The following ROBO1 variants were observed in gnomAD, a reference collection of about 807,000 sequenced individuals.
ROBO1 encodes roundabout homolog 1.
In ROBO1, 149 loss-of-function variants were observed where a neutral mutation model predicts 195.9. That is an observed-to-expected ratio of 0.76 (90% CI 0.67 to 0.87). The LOEUF (loss-of-function observed/expected upper bound fraction) is 0.87. Among genes scored for constraint, ROBO1 ranks in the 40% least tolerant of loss-of-function variants. The pLI is 0.00. For missense variants in ROBO1, 1,933 were observed against 2,068.3 expected, an observed-to-expected ratio of 0.93 and a Z score of 1.27; for synonymous variants, 816 against 733.2, an observed-to-expected ratio of 1.11 and a Z score of -1.82.
At chr3:78,775,687 T>C (rs968498529) in intron 4 of ROBO1, among the ~76,000 whole-genome samples, 1 of 152,244 alleles carries the variant, frequency 6.6e-6, no homozygotes, top group Admixed American at 6.5e-5. Flanking sequence ...CAAGCTTGCC[T>C]TATTTTCTTC....
rs111797286 is a variant in ROBO1 at position 79,098,774 on chromosome 3, C to A, written c.172+26682G>T. Among the ~76,000 whole-genome samples, 10 of 151,796 alleles carry A rather than the reference C, an allele frequency of 6.6e-5. 1 individual carries two copies. Among genetic ancestry groups the A allele is most frequent in the African/African-American group, 2.4e-4 (10 of 41,476 alleles). ...CCATAGAAGAGGCTTTTTTTGGCTT[C>A]TTTTAGAATTAACTAATTAATTTTT... On this transcript the variant is annotated intron_variant, in intron 3 of 30. Transcript: ENST00000464233.
intron 10 of ROBO1, among the ~76,000 whole-genome samples, chr3:78,677,470 T>G (rs1295137798): frequency 6.6e-6 from 1 of 151,832 alleles, no homozygotes; most frequent in Non-Finnish European, 1.5e-5. Context: ...AATAAAAGGA[T>G]GGAGGAAGAT....
intron 8 of ROBO1, chr3:78,693,313 G>T (rs1245320071): frequency 6.5e-7 from 1 of 1,550,064 alleles, no homozygotes. Context: ...CAGTGACACG[G>T]TGATGAGAAG....
chr3:79,681,425 A>G (rs1243030493), intron 1 of ROBO1, among the ~76,000 whole-genome samples: 2 of 152,028 alleles, frequency 1.3e-5, no homozygotes, highest in African/African-American at 4.8e-5. Flanking sequence ...GAGAATATTA[A>G]GGATAATGGG....
intron 4 of ROBO1, among the ~76,000 whole-genome samples, chr3:78,889,521 G>A (rs2036760096): frequency 6.6e-6 from 1 of 152,150 alleles, no homozygotes; most frequent in African/African-American, 2.4e-5. Flanking sequence ...AGTGATTGAT[G>A]CACACATGAT....
At chr3:79,002,683 C>T (rs925179805) in intron 3 of ROBO1, among the ~76,000 whole-genome samples, 6 of 152,108 alleles carry the variant, frequency 3.9e-5, no homozygotes, top group African/African-American at 1.2e-4. Flanking sequence ...AATTGCTAAC[C>T]TGAAAATCAT....
chr3:78,629,200 G>A (rs1341309727), intron 25 of ROBO1, among the ~76,000 whole-genome samples: 2 of 152,066 alleles, frequency 1.3e-5, no homozygotes, highest in Non-Finnish European at 2.9e-5. Context: ...CTTCTCATTT[G>A]TCCAGATCAA....
At chr3:79,387,424 G>GTA (rs1187995383) in intron 2 of ROBO1, among the ~76,000 whole-genome samples, 1 of 150,426 alleles carries the variant, frequency 6.6e-6, no homozygotes, top group African/African-American at 2.4e-5. Context: ...CATAATTTGT[G>GTA]TATATATATA....
chr3:78,961,113 A>C (rs1454767314), intron 3 of ROBO1, among the ~76,000 whole-genome samples: 1 of 152,184 alleles, frequency 6.6e-6, no homozygotes, highest in Non-Finnish European at 1.5e-5. Context: ...CTCTCTCTGA[A>C]TTATTACCAC....
intron 3 of ROBO1, among the ~76,000 whole-genome samples, chr3:79,097,651 G>T (rs1392418214): frequency 2.0e-5 from 3 of 151,746 alleles, no homozygotes; most frequent in Non-Finnish European, 4.4e-5. Flanking sequence ...ATCAAGAAGT[G>T]AATGAATGTT....
chr3:79,329,933 T>C (rs2034364414), intron 2 of ROBO1, among the ~76,000 whole-genome samples: 1 of 152,122 alleles, frequency 6.6e-6, no homozygotes, highest in African/African-American at 2.4e-5. Flanking sequence ...AGATCACTGT[T>C]CTCTGGACCA....
At position 78,677,544 on chromosome 3, in the gene ROBO1, C is replaced by A. The variant is rs1186448438; in HGVS notation, c.1343-7243G>T. Among the ~76,000 whole-genome samples, 6 of 151,892 alleles carry A rather than the reference C, an allele frequency of 4.0e-5. No individual in the cohort carries two copies. In the East Asian group the frequency reaches 1.2e-3, roughly 29 times the overall value. On this transcript the variant is annotated intron_variant, in intron 10 of 30. Coordinates refer to ENST00000464233, the MANE Select transcript of ROBO1 (RefSeq NM_002941.4). The stretch of plus-strand genomic sequence containing the variant: ...CAATCCTAGTCTCTGATAAAACAGA[C>A]TTTAAACCAACAAAGATCAAAAGAG...
intron 2 of ROBO1, among the ~76,000 whole-genome samples, chr3:79,172,230 G>T (rs894536132): frequency 6.6e-6 from 1 of 152,120 alleles, no homozygotes; most frequent in Non-Finnish European, 1.5e-5. Context: ...TTACTTAGGA[G>T]AAACTATTTT....
chr3:79,239,015 AAC>A, intron 2 of ROBO1, among the ~76,000 whole-genome samples: 1 of 152,284 alleles, frequency 6.6e-6, no homozygotes, highest in Non-Finnish European at 1.5e-5. Context: ...TAAAATCCCT[AAC>A]ACAGCACAAA....
Position 78,657,142 on chromosome 3 carries a change from C to T in ROBO1, c.2570G>A (p.Gly857Glu), listed in dbSNP as rs755483422. 5.6e-6 allele frequency: 9 copies of T among 1,612,256 alleles called. No individual in the cohort carries two copies. Among genetic ancestry groups the T allele is most frequent in the Admixed American group, 1.7e-5 (1 of 59,838 alleles). Reference sequence around the variant, plus strand: ...CTCACTCTTTACCCCAGACCCAGCCCCAGTGCTGGCTGCCACTTCCACACT... The same window carrying T: ...CTCACTCTTTACCCCAGACCCAGCCTCAGTGCTGGCTGCCACTTCCACACT... ...RYSVEVAAST[G>E]AGSGVKSEPQ... Residue 857 changes from glycine (G) to glutamate (E), a missense_variant, in exon 18 of 31, where the codon GGG becomes GAG. Gly to Glu is a moderately conservative substitution (Grantham distance 98, BLOSUM62 -2). Around this residue, in one of 3 missense-constraint regions of ROBO1, gnomAD observed 1,737 missense variants for 1,882.5 expected, o/e 0.92. Transcript: ENST00000464233.
chr3:79,510,883 T>C (rs1455227716), intron 2 of ROBO1, among the ~76,000 whole-genome samples: 2 of 152,192 alleles, frequency 1.3e-5, no homozygotes, highest in Admixed American at 1.3e-4. Flanking sequence ...GGAATTAAAA[T>C]GAATTAAAAT....
intron 27 of ROBO1, 114 bp downstream of exon 27, chr3:78,617,521 A>C (rs79565899): frequency 8.8e-7 from 1 of 1,130,990 alleles, no homozygotes; most frequent in East Asian, 2.7e-5. Context: ...AAAAAAAAAA[A>C]CTGTAAGAAT....
At chr3:78,965,323 GC>G in intron 3 of ROBO1, among the ~76,000 whole-genome samples, 1 of 152,214 alleles carries the variant, frequency 6.6e-6, no homozygotes, top group Admixed American at 6.5e-5. Flanking sequence ...TTAACCAGAA[GC>G]TTTTTTTGAT....
Position 78,893,075 on chromosome 3 carries a change from TAGG to T in ROBO1, c.499+45523_499+45525del, listed in dbSNP as rs1041329800. Among the ~76,000 whole-genome samples the T allele has an allele frequency of 3.9e-5, 6 of 152,214 alleles. No homozygotes were observed. The East Asian group carries it at 1.2e-3, about 29-fold the overall frequency. On this transcript the variant is annotated intron_variant, in intron 4 of 30. Coordinates refer to ENST00000464233, the MANE Select transcript of ROBO1 (RefSeq NM_002941.4). ...TCACACTGTGGTAAGCACAGCGTACTAGGAGATTTGTTCTTGACATCTCAAGAT... is the reference window on the plus strand; with the variant it reads ...TCACACTGTGGTAAGCACAGCGTACTAGATTTGTTCTTGACATCTCAAGAT...
Sources: allele counts gnomAD v4.1 joint callset (sites outside exome capture counted in the v4.1 genomes callset), GRCh38; gene constraint gnomAD v4.1.1; regional missense constraint gnomAD v4.1.1; transcripts MANE v1.5; gene names NCBI Gene and HGNC (gene_info 2026-07-23, HGNC 2026-07-21).